The following S100B variants were observed in gnomAD, a reference collection of about 807,000 sequenced individuals.
S100B encodes the protein protein S100-B.
Under a neutral mutation model 7.7 loss-of-function variants are expected in S100B, and 6 were observed. The ratio of observed to expected loss-of-function variants is 0.78; its 90% confidence interval spans 0.43 to 1.54. The LOEUF (loss-of-function observed/expected upper bound fraction) is 1.54, where lower values mean the gene tolerates loss of function less well. S100B is among the 40% of genes most tolerant of loss of function. The probability of loss-of-function intolerance (pLI) is 0.01; values close to 1 mark genes in which losing one functional copy is unlikely to be tolerated. For synonymous variants in S100B, 36 were observed against 40.4 expected (o/e 0.89, Z 0.41); for missense variants, 99 against 111.8 (o/e 0.89, Z 0.52).
intron 1 of S100B, among the ~76,000 whole-genome samples, chr21:46,603,237 A>G (rs1415046780): frequency 1.3e-5 from 2 of 150,532 alleles, no homozygotes; most frequent in African/African-American, 4.9e-5. Flanking sequence ...ATCTACCAGG[A>G]AAAAAAAATG....
chr21:46,602,231 T>C (rs2839356), intron 2 of S100B, 47 bp downstream of exon 2: 160,418 of 1,561,054 alleles, frequency 0.1, 9,996 homozygotes, highest in East Asian at 0.35. Flanking sequence ...ACAGATGGAT[T>C]TTAAGAGGAG....
intron 1 of S100B, 98 bp from the exon 2 acceptor site, chr21:46,602,514 G>A (rs1302504179): frequency 3.1e-6 from 4 of 1,270,320 alleles, no homozygotes; most frequent in Non-Finnish European, 4.3e-6. Flanking sequence ...CAAGGGGGAT[G>A]GAATGGCCTT....
intron 2 of S100B, among the ~76,000 whole-genome samples, chr21:46,602,004 T>A (rs976368103): frequency 6.6e-6 from 1 of 152,244 alleles, no homozygotes; most frequent in Non-Finnish European, 1.5e-5. Flanking sequence ...CCATGGTAAG[T>A]AATGAGTCTA....
intron 2 of S100B, among the ~76,000 whole-genome samples, chr21:46,601,116 G>A (rs1282576113): frequency 6.6e-6 from 1 of 152,132 alleles, no homozygotes; most frequent in Non-Finnish European, 1.5e-5. Flanking sequence ...ACCAGCCAGC[G>A]CCCCCTCCCC....
intron 2 of S100B, among the ~76,000 whole-genome samples, chr21:46,601,887 A>G (rs1026014478): frequency 2.0e-5 from 3 of 152,276 alleles, no homozygotes; most frequent in Non-Finnish European, 2.9e-5. Flanking sequence ...GGCATATCTT[A>G]TCTCCATAGC....
rs897837399 is a variant in S100B, at chr21:46,600,494, A to G, written c.139-991T>C. Reference sequence around the variant, plus strand: ...TGGGAGGTTGAGGCTGCAATGAGCCAAGATTGCACCACTGCACTCCAACCT... The same window carrying G: ...TGGGAGGTTGAGGCTGCAATGAGCCGAGATTGCACCACTGCACTCCAACCT... On this transcript the variant is annotated intron_variant, in intron 2 of 2. Coordinates refer to ENST00000291700, the MANE Select transcript of S100B (RefSeq NM_006272.3). 3.5e-5 allele frequency: 12 copies of G among 344,560 alleles called. No individual in the cohort carries two copies. The Admixed American group carries it at 4.1e-4, about 12-fold the overall frequency. 21.3% of individuals were successfully genotyped at this position (344,560 alleles called of 1,614,324 possible).
chr21:46,599,621 A>C, intron 2 of S100B, 118 bp from the exon 3 acceptor site: 1 of 901,232 alleles, frequency 1.1e-6, no homozygotes, highest in South Asian at 1.4e-5. Flanking sequence ...TAAGAACATC[A>C]AATGCAAAAT....
In S100B at chr21:46,599,298, C is replaced by A; in HGVS notation, c.*65G>T. The A allele has an allele frequency of 6.8e-6, 10 of 1,465,456 alleles. No homozygotes were observed. Among genetic ancestry groups the A allele is most frequent in the South Asian group, 1.2e-5 (1 of 84,868 alleles). The allele number at this position is 1,465,456 out of a possible 1,614,324, so 90.8% of individuals were successfully genotyped here. A position where few individuals can be genotyped will look rare whatever the true frequency, so the allele number is the denominator to read the frequency against. On this transcript the variant is annotated 3_prime_UTR_variant, in exon 3 of 3. Transcript: ENST00000291700. ...AGCTCAGCTCCTACTAGGCTGCAAG[C>A]CCTTGCTGTCTGCTTTCTTGCATGA...
chr21:46,603,697 A>G (rs1481183577), intron 1 of S100B, among the ~76,000 whole-genome samples: 3 of 152,204 alleles, frequency 2.0e-5, no homozygotes, highest in African/African-American at 7.2e-5. Context: ...TGTTGAATAT[A>G]TAACTTACAT....
intron 2 of S100B, among the ~76,000 whole-genome samples, chr21:46,601,023 C>A (rs978057202): frequency 6.6e-6 from 1 of 152,142 alleles, no homozygotes. Flanking sequence ...TGTGGGGACA[C>A]CCTCTGCAAA....
rs778690779 is a variant in S100B, at chr21:46,602,379, C to T, written c.37G>A (p.Asp13Asn). ...CTTCCAGAATATTGGTGGAAAACGT[C>T]GATGAGGGCCACCATGGCCTTCTCC... The part of the protein sequence containing the change: ...ELEKAMVALI[D>N]VFHQYSGREG... The change falls in exon 2 of 3, where the codon GAC (aspartate) becomes AAC (asparagine). Residue 13 changes from aspartate (D) to asparagine (N), a missense_variant. Asp to Asn is a conservative substitution (Grantham distance 23). Transcript: ENST00000291700. 2.5e-5 allele frequency: 40 copies of T among 1,613,988 alleles called. 1 individual carries two copies. The highest frequency in any genetic ancestry group is 2.2e-4 in the East Asian group (10 of 44,886).
At chr21:46,604,919 A>G (rs2061053201) in intron 1 of S100B, 94 bp downstream of exon 1, 1 of 152,238 alleles carries the variant, frequency 6.6e-6, no homozygotes, top group African/African-American at 2.4e-5. Context: ...GGGCTTTTTA[A>G]GCTACCACTT....
At position 46,602,420 on chromosome 21, in the gene S100B, G is replaced by C; in HGVS notation, c.-1-4C>G. The C allele has an allele frequency of 2.5e-6, 4 of 1,610,736 alleles. No homozygotes were observed. The highest frequency in any genetic ancestry group is 3.4e-6 in the Non-Finnish European group (4 of 1,179,016). On this transcript the variant is annotated splice_region_variant and splice_polypyrimidine_tract_variant and intron_variant, in intron 1 of 2. Coordinates refer to ENST00000291700, the MANE Select transcript of S100B (RefSeq NM_006272.3). The stretch of plus-strand genomic sequence containing the variant: ...GGCCTTCTCCAGCTCAGACATCCTA[G>C]GGGCTCGCAAAGGAAAGTTGCCTTC...
rs1448379533 is a variant in S100B, at chr21:46,602,353, C to G, written c.63G>C (p.Arg21Ser). The G allele has an allele frequency of 1.2e-6, 2 of 1,613,972 alleles. No individual in the cohort carries two copies. The highest frequency in any genetic ancestry group is 1.3e-5 in the African/African-American group (1 of 74,922). ...TCTTCAGCTTGTGCTTGTCTCCCTC[C>G]CTTCCAGAATATTGGTGGAAAACGT... ...LIDVFHQYSGREGDKHKLKKS... is the reference protein window; with the variant it reads ...LIDVFHQYSGSEGDKHKLKKS... The change falls in exon 2 of 3, where the codon AGG (arginine) becomes AGC (serine). Residue 21 changes from arginine (R) to serine (S), a missense_variant. Arg to Ser is a moderately radical substitution (Grantham distance 110). Transcript: ENST00000291700.
chr21:46,601,867 G>A (rs2061042215), intron 2 of S100B, among the ~76,000 whole-genome samples: 1 of 152,248 alleles, frequency 6.6e-6, no homozygotes, highest in African/African-American at 2.4e-5. Context: ...TGTTTACTGA[G>A]TGAAAGTCTG....
At chr21:46,604,811 G>T (rs2061052925) in intron 1 of S100B, among the ~76,000 whole-genome samples, 2 of 152,148 alleles carry the variant, frequency 1.3e-5, no homozygotes, top group African/African-American at 2.4e-5. Flanking sequence ...TAGCTGTCTA[G>T]GGCTGATGCA....
intron 2 of S100B, 37 bp downstream of exon 2, chr21:46,602,241 G>A: frequency 6.3e-7 from 1 of 1,585,246 alleles, no homozygotes; most frequent in Non-Finnish European, 8.6e-7. Context: ...TTTAAGAGGA[G>A]ATGGAGAAAG....
intron 1 of S100B, among the ~76,000 whole-genome samples, chr21:46,603,392 A>AGGGGGTGGGGGGAGGGGGGGGCGGGAGG (rs796474856): frequency 5.2e-5 from 2 of 38,206 alleles, no homozygotes; most frequent in African/African-American, 2.1e-4. Flanking sequence ...GGACGGCGGG[A>AGGGGGTGGGGGGAGGGGGGGGCGGGAGG]GGGGGTGGGG....
At position 46,599,255 on chromosome 21, in the gene S100B, G is replaced by T; in HGVS notation, c.*108C>A. The T allele has an allele frequency of 9.9e-7, 1 of 1,006,482 alleles. No individual in the cohort carries two copies. Among genetic ancestry groups the T allele is most frequent in the Non-Finnish European group, 1.5e-6 (1 of 667,742 alleles). The allele number at this position is 1,006,482 out of a possible 1,614,324, so 62.3% of individuals were successfully genotyped here. ...CAAAGCAAATCAAGCTTCCTAATTA[G>T]CTACAACACGGCTGGAAAGCTCAGC... On this transcript the variant is annotated 3_prime_UTR_variant, in exon 3 of 3. Coordinates refer to ENST00000291700, the MANE Select transcript of S100B (RefSeq NM_006272.3).
Sources: gnomAD v4.1 joint callset for allele counts (sites outside exome capture counted in the v4.1 genomes callset) on GRCh38, gnomAD v4.1.1 for gene constraint, MANE v1.5 for transcripts, NCBI Gene and HGNC (gene_info 2026-07-23, HGNC 2026-07-21) for gene names.